The following DLC1 variants were observed in gnomAD, a reference collection of about 807,000 sequenced individuals.
DLC1 encodes the protein DLC1 Rho GTPase activating protein, also known as rho GTPase-activating protein 7.
DLC1 carries 54 observed loss-of-function variants against 140.3 expected under a neutral mutation model. The observed-to-expected ratio is 0.38, with a 90% CI of 0.31 to 0.48. The LOEUF is 0.48. Ranked by LOEUF, DLC1 falls within the 20% of genes least tolerant of loss-of-function variation. The pLI, the probability that DLC1 is intolerant of heterozygous loss-of-function variation, is 0.96. For synonymous variants in DLC1, 986 were observed against 728.1 expected, an observed-to-expected ratio of 1.35 and a Z score of -5.70; for missense variants, 2,536 against 1,907.0, an observed-to-expected ratio of 1.33 and a Z score of -6.14.
At chr8:13,201,232 C>T (rs1563160083) in intron 5 of DLC1, among the ~76,000 whole-genome samples, 2 of 151,658 alleles carry the variant, frequency 1.3e-5, no homozygotes, top group South Asian at 4.2e-4. Flanking sequence ...GTGTTCAAAG[C>T]AGGAATTCAC....
intron 4 of DLC1, among the ~76,000 whole-genome samples, chr8:13,349,829 C>T (rs1319837772): frequency 2.0e-5 from 3 of 152,088 alleles, no homozygotes; most frequent in Non-Finnish European, 4.4e-5. Context: ...TGTGGGGAGA[C>T]ATGAGGAGGA....
chr8:13,459,404 A>T (rs768375552), intron 2 of DLC1, among the ~76,000 whole-genome samples: 4 of 152,328 alleles, frequency 2.6e-5, no homozygotes, highest in South Asian at 4.1e-4. Flanking sequence ...TTTTTCAGAT[A>T]ATTGTGTCAA....
At position 13,535,458 on chromosome 8, in the gene DLC1, A is replaced by G. The variant is rs143195850; in HGVS notation, c.-125-35262T>C. On this transcript the variant is annotated intron_variant, in intron 1 of 1. Transcript: ENST00000631382. ...CTCCTGCTCTACCTTGTTTACTGTA[A>G]TAGTGTACAAAGAAATTGAATAGAT... Among the ~76,000 whole-genome samples, 625 of 152,234 alleles carry G rather than the reference A, an allele frequency of 4.1e-3. 3 individuals carry two copies. The highest frequency in any genetic ancestry group is 0.014 in the African/African-American group (601 of 41,550).
intron 1 of DLC1, among the ~76,000 whole-genome samples, chr8:13,591,883 G>A (rs920094659): frequency 6.6e-6 from 1 of 152,084 alleles, no homozygotes; most frequent in African/African-American, 2.4e-5. Context: ...TAGATGTAGG[G>A]AATGGAGAGA....
intron 5 of DLC1, among the ~76,000 whole-genome samples, chr8:13,203,588 T>A (rs2117077787): frequency 6.6e-6 from 1 of 152,302 alleles, no homozygotes. Context: ...TGGACAGAAG[T>A]GTTTTGATAG....
intron 4 of DLC1, chr8:13,340,035 A>T (rs1729115): frequency 0.79 from 119,636 of 151,944 alleles, 48,052 homozygotes; most frequent in East Asian, 0.94. Flanking sequence ...ATGAAGCAGA[A>T]GTGGAGTGGA....
chr8:13,095,047 G>A (rs760877448), intron 11 of DLC1, 39 bp downstream of exon 11: 2 of 1,613,500 alleles, frequency 1.2e-6, no homozygotes, highest in Non-Finnish European at 1.7e-6. Flanking sequence ...TGTAATCCGA[G>A]CTCCCCTGAG....
intron 5 of DLC1, among the ~76,000 whole-genome samples, chr8:13,233,300 A>AGT (rs1563185194): frequency 9.9e-6 from 1 of 101,038 alleles, no homozygotes; most frequent in Non-Finnish European, 2.0e-5. Flanking sequence ...GTATAAAAAA[A>AGT]AAAAAAAAAA....
chr8:13,344,281 A>ATG, intron 4 of DLC1, among the ~76,000 whole-genome samples: 1 of 152,050 alleles, frequency 6.6e-6, no homozygotes, highest in East Asian at 1.9e-4. Flanking sequence ...ATCACCTAAG[A>ATG]TCAGGAGTTT....
intron 13 of DLC1, 135 bp from the exon 14 acceptor site, chr8:13,091,567 A>C: frequency 1.4e-6 from 1 of 692,722 alleles, no homozygotes; most frequent in South Asian, 2.4e-5. Context: ...GTGGATTAAG[A>C]GTGTTTTTAC....
chr8:13,556,708 G>A lies in DLC1; in HGVS notation c.-126+47829C>T, dbSNP rs138044406. Reference sequence around the variant, plus strand: ...CTCTTTTCTGAATGAGACCTAGCTGGTCAATTGCTTTAAGGACCTGCATCA... The same window carrying A: ...CTCTTTTCTGAATGAGACCTAGCTGATCAATTGCTTTAAGGACCTGCATCA... On this transcript the variant is annotated intron_variant, in intron 1 of 1. Coordinates refer to the DLC1 transcript ENST00000631382. 4.3e-3 allele frequency among the ~76,000 whole-genome samples: 654 copies of A among 152,290 alleles called. 2 individuals are homozygous for A. The highest frequency in any genetic ancestry group is 9.1e-3 in the Admixed American group (139 of 15,296).
At position 13,499,165 on chromosome 8, in the gene DLC1, G is replaced by C; in HGVS notation, c.907C>G (p.Gln303Glu). ...GLEKSGFSQH[Q>E]NKSPPKVKAE... ...TTGACCTTTGGTGGACTTTTGTTTT[G>C]ATGTTGTGAAAAACCACTCTTCTCC... Residue 303 changes from glutamine (Q) to glutamate (E), a missense_variant, in exon 2 of 18, where the codon CAA (glutamine) becomes GAA (glutamate). Transcript: ENST00000276297. The C allele has an allele frequency of 1.2e-6, 2 of 1,614,120 alleles. No homozygotes were observed. Among genetic ancestry groups the C allele is most frequent in the Non-Finnish European group, 1.7e-6 (2 of 1,180,006 alleles).
intron 5 of DLC1, among the ~76,000 whole-genome samples, chr8:13,292,581 G>A (rs568068612): frequency 6.6e-6 from 1 of 151,992 alleles, no homozygotes; most frequent in Non-Finnish European, 1.5e-5. Context: ...ACGCTATTGT[G>A]TTCATCATTG....
chr8:13,255,785 T>C lies in DLC1; in HGVS notation c.1348+49484A>G, dbSNP rs533968493. 2.6e-5 allele frequency among the ~76,000 whole-genome samples: 4 copies of C among 152,352 alleles called. No individual in the cohort carries two copies. In the East Asian group the frequency reaches 7.7e-4, roughly 29 times the overall value. Reference sequence around the variant, plus strand: ...GCTTCTTTGTAATGCCCACAGCAGTTACTATCCACGCTCGTCTTTGCAGCA... The same window carrying C: ...GCTTCTTTGTAATGCCCACAGCAGTCACTATCCACGCTCGTCTTTGCAGCA... On this transcript the variant is annotated intron_variant, in intron 5 of 17. Coordinates refer to ENST00000276297, the MANE Select transcript of DLC1 (RefSeq NM_182643.3).
intron 4 of DLC1, chr8:13,338,902 T>C (rs953252329): frequency 4.6e-5 from 7 of 152,360 alleles, no homozygotes; most frequent in South Asian, 2.1e-4. Flanking sequence ...TCGATAATTT[T>C]ACTTTTGTAC....
At chr8:13,396,023 A>G (rs922760203) in intron 3 of DLC1, among the ~76,000 whole-genome samples, 5 of 151,238 alleles carry the variant, frequency 3.3e-5, no homozygotes, top group Non-Finnish European at 5.9e-5. Context: ...TTTGACCTTT[A>G]GGTATATCAG....
At chr8:13,150,186 G>T (rs903829195) in intron 5 of DLC1, among the ~76,000 whole-genome samples, 1 of 152,196 alleles carries the variant, frequency 6.6e-6, no homozygotes, top group Non-Finnish European at 1.5e-5. Flanking sequence ...TATGGGTTGC[G>T]TCTGGGGAGG....
chr8:13,333,487 G>A (rs1332493193), intron 4 of DLC1, among the ~76,000 whole-genome samples: 1 of 152,114 alleles, frequency 6.6e-6, no homozygotes, highest in Non-Finnish European at 1.5e-5. Context: ...GCACTGAAGT[G>A]ATCTTCCTGT....
intron 5 of DLC1, among the ~76,000 whole-genome samples, chr8:13,226,037 T>C (rs1229476046): frequency 1.3e-5 from 2 of 152,174 alleles, no homozygotes; most frequent in African/African-American, 2.4e-5. Context: ...ATCAGTCTCC[T>C]GAGTAGCTGA....
Sources: gnomAD v4.1 joint callset for allele counts (sites outside exome capture counted in the v4.1 genomes callset) on GRCh38, gnomAD v4.1.1 for gene constraint, MANE v1.5 for transcripts, NCBI Gene and HGNC (gene_info 2026-07-23, HGNC 2026-07-21) for gene names.